Variants in CCSER1 observed in about 807,000 individuals in gnomAD.
CCSER1 encodes coiled-coil serine rich protein 1.
In CCSER1, 41 loss-of-function variants were observed where a neutral mutation model predicts 82.0. The ratio of observed to expected loss-of-function variants is 0.50; its 90% confidence interval spans 0.39 to 0.65. CCSER1 has a LOEUF of 0.65. Among genes scored for constraint, CCSER1 ranks in the 30% least tolerant of loss-of-function variants. The pLI is 0.00. For missense variants in CCSER1, 1,119 were observed against 1,064.2 expected (o/e 1.05, Z -0.72); for synonymous variants, 414 against 383.9 (o/e 1.08, Z -0.92).
rs141630404 is a variant in CCSER1, at chr4:91,603,348, C to G, written c.*4291C>G. 3.3e-4 allele frequency: 50 copies of G among 152,164 alleles called. No homozygotes were observed. The highest frequency in any genetic ancestry group is 1.2e-3 in the African/African-American group (49 of 41,538). 9.4% of individuals were successfully genotyped at this position (152,164 alleles called of 1,614,324 possible). ...TATTTATTTACAATACATTTGATCT[C>G]GTTAAGACCCCAGTTCTATTTCCAA... On this transcript the variant is annotated 3_prime_UTR_variant, in exon 11 of 11. Coordinates refer to ENST00000509176, the MANE Select transcript of CCSER1 (RefSeq NM_001145065.2).
intron 1 of CCSER1, among the ~76,000 whole-genome samples, chr4:90,202,742 C>T (rs1269984288): frequency 2.0e-5 from 3 of 152,204 alleles, no homozygotes; most frequent in African/African-American, 7.2e-5. Context: ...TTTCTGATTA[C>T]ATGGCAAGTC....
chr4:90,885,793 C>T (rs1003102090), intron 8 of CCSER1, among the ~76,000 whole-genome samples: 44 of 152,186 alleles, frequency 2.9e-4, no homozygotes, highest in Non-Finnish European at 4.9e-4. Context: ...TCAACTGTTA[C>T]AGCAAATCTG....
At chr4:90,526,621 G>A (rs761171511) in intron 5 of CCSER1, among the ~76,000 whole-genome samples, 23 of 152,254 alleles carry the variant, frequency 1.5e-4, no homozygotes, top group Admixed American at 7.2e-4. Context: ...AACATGCAGT[G>A]TTTGGTTTTC....
At chr4:90,218,883 T>C (rs190991372) in intron 1 of CCSER1, among the ~76,000 whole-genome samples, 2 of 152,166 alleles carry the variant, frequency 1.3e-5, no homozygotes, top group African/African-American at 4.8e-5. Flanking sequence ...TATTAATATG[T>C]CTATGGAGTA....
At chr4:90,772,730 T>A (rs974519479) in intron 7 of CCSER1, among the ~76,000 whole-genome samples, 2 of 152,192 alleles carry the variant, frequency 1.3e-5, no homozygotes, top group Admixed American at 6.5e-5. Context: ...TTAAAATTGA[T>A]TTCCTCTTAA....
intron 10 of CCSER1, among the ~76,000 whole-genome samples, chr4:91,100,477 C>A (rs1724949861): frequency 6.6e-6 from 1 of 152,062 alleles, no homozygotes; most frequent in East Asian, 1.9e-4. Flanking sequence ...TCTGCGTTGA[C>A]TAGTCCACAC....
At chr4:90,964,483 T>TAA (rs1409683917) in intron 9 of CCSER1, among the ~76,000 whole-genome samples, 1 of 151,060 alleles carries the variant, frequency 6.6e-6, no homozygotes, top group Non-Finnish European at 1.5e-5. Flanking sequence ...TCCCACACTT[T>TAA]GGGAGGCCAA....
intron 10 of CCSER1, among the ~76,000 whole-genome samples, chr4:91,190,557 G>A (rs1734914444): frequency 6.6e-6 from 1 of 152,112 alleles, no homozygotes; most frequent in Admixed American, 6.6e-5. Flanking sequence ...TGACTTTCAG[G>A]ATGATGTATT....
chr4:91,130,586 G>T (rs2148907810), intron 10 of CCSER1, among the ~76,000 whole-genome samples: 1 of 151,654 alleles, frequency 6.6e-6, no homozygotes, highest in East Asian at 1.9e-4. Context: ...TTTATGTAAT[G>T]AAAAGTTACA....
intron 3 of CCSER1, among the ~76,000 whole-genome samples, chr4:90,372,876 A>C (rs1561118551): frequency 6.6e-6 from 1 of 151,920 alleles, no homozygotes; most frequent in African/African-American, 2.4e-5. Context: ...CAGAAGAGAA[A>C]TGATATAAGT....
Position 91,360,874 on chromosome 4 carries a change from C to G in CCSER1, c.2218-237698C>G, listed in dbSNP as rs1241144195. Among the ~76,000 whole-genome samples the G allele has an allele frequency of 1.7e-4, 26 of 151,804 alleles. 1 individual carries two copies. The highest frequency in any genetic ancestry group is 1.7e-3 in the Admixed American group (26 of 15,210). ...CTTACCTGTAGTTAAGAATGCAAAT[C>G]AGTAATAGGATGGAGGAGGTTATAA... On this transcript the variant is annotated intron_variant, in intron 10 of 10. Transcript: ENST00000509176.
In CCSER1 at chr4:90,309,325, A is replaced by G; in HGVS notation, c.1041A>G (p.Glu347=). ...AAACCTCTGCTGCTAATCAGAAGGA[A>G]GTGTTATTACAAATTGCTGAACTAC... The part of the protein sequence containing the change: ...LPETSAANQK[E]VLLQIAELPA... Residue 347 remains glutamate, a synonymous_variant, in exon 2 of 11, where the codon GAA becomes GAG. Coordinates refer to ENST00000509176, the MANE Select transcript of CCSER1 (RefSeq NM_001145065.2). 1 of 1,613,912 alleles carries G rather than the reference A, an allele frequency of 6.2e-7. No homozygotes were observed. The highest frequency in any genetic ancestry group is 1.3e-5 in the African/African-American group (1 of 75,058).
intron 9 of CCSER1, among the ~76,000 whole-genome samples, chr4:91,036,356 T>C (rs1741433453): frequency 6.6e-6 from 1 of 152,218 alleles, no homozygotes; most frequent in Non-Finnish European, 1.5e-5. Flanking sequence ...AATATTTTTC[T>C]TTAAATCTAT....
intron 10 of CCSER1, among the ~76,000 whole-genome samples, chr4:91,430,311 T>TA (rs1195947432): frequency 3.3e-5 from 5 of 152,324 alleles, no homozygotes; most frequent in Admixed American, 3.3e-4. Context: ...AGAAATATTG[T>TA]AAAAACAGTT....
chr4:91,023,474 A>C (rs1391582956), intron 9 of CCSER1, among the ~76,000 whole-genome samples: 1 of 152,212 alleles, frequency 6.6e-6, no homozygotes, highest in Non-Finnish European at 1.5e-5. Context: ...GATCAATGGG[A>C]CAGAACAGAG....
At chr4:90,405,499 G>C (rs1203462478) in intron 4 of CCSER1, among the ~76,000 whole-genome samples, 8 of 152,044 alleles carry the variant, frequency 5.3e-5, no homozygotes, top group Non-Finnish European at 1.2e-4. Context: ...CTAAATTCAA[G>C]AAGCTCAAAG....
At chr4:91,196,185 A>AAAAAAAC (rs1735419893) in intron 10 of CCSER1, among the ~76,000 whole-genome samples, 1 of 151,470 alleles carries the variant, frequency 6.6e-6, no homozygotes, top group African/African-American at 2.4e-5. Flanking sequence ...AGACAAAAAA[A>AAAAAAAC]AAAAAAAAAA....
intron 10 of CCSER1, among the ~76,000 whole-genome samples, chr4:91,462,779 A>C (rs1756584927): frequency 6.6e-6 from 1 of 152,102 alleles, no homozygotes; most frequent in South Asian, 2.1e-4. Flanking sequence ...GCAGTCAGAG[A>C]TCGAACTGCA....
intron 10 of CCSER1, among the ~76,000 whole-genome samples, chr4:91,597,578 T>G (rs1270293733): frequency 1.3e-5 from 2 of 152,106 alleles, no homozygotes; most frequent in Non-Finnish European, 2.9e-5. Context: ...TCAAGTTTTA[T>G]TTTGTTTGGT....
Sources: allele counts gnomAD v4.1 joint callset (sites outside exome capture counted in the v4.1 genomes callset), GRCh38; gene constraint gnomAD v4.1.1; transcripts MANE v1.5; gene names NCBI Gene and HGNC (gene_info 2026-07-23, HGNC 2026-07-21).